DPPA2: variants seen among roughly 807,000 people sequenced by gnomAD.
The protein encoded by DPPA2 is developmental pluripotency associated 2.
A neutral mutation model predicts 36.2 loss-of-function variants in DPPA2; 26 were observed. The ratio of observed to expected loss-of-function variants is 0.72; its 90% CI spans 0.53 to 1.00. The LOEUF is 1.00. Among genes scored for constraint, DPPA2 ranks in the 50% least tolerant of loss-of-function variants. The pLI, the probability that DPPA2 is intolerant of heterozygous loss-of-function variation, is 0.00. For synonymous variants in DPPA2, 113 were observed against 123.2 expected, an observed-to-expected ratio of 0.92 and a Z score of 0.55; for missense variants, 361 against 365.1, an observed-to-expected ratio of 0.99 and a Z score of 0.09.
chr3:109,302,781 T>G (rs1490963448), intron 7 of DPPA2, among the ~76,000 whole-genome samples: 1 of 151,536 alleles, frequency 6.6e-6, no homozygotes, highest in Non-Finnish European at 1.5e-5. Flanking sequence ...AGCCCTTAAT[T>G]TATCTCCACA....
intron 7 of DPPA2, among the ~76,000 whole-genome samples, chr3:109,303,838 A>G (rs1707501109): frequency 6.6e-6 from 1 of 152,122 alleles, no homozygotes; most frequent in African/African-American, 2.4e-5. Context: ...GTTAAGGCTA[A>G]GAACTAGCCA....
chr3:109,304,166 G>A (rs538166894), intron 7 of DPPA2, among the ~76,000 whole-genome samples: 8 of 151,992 alleles, frequency 5.3e-5, no homozygotes, highest in Non-Finnish European at 7.4e-5. Flanking sequence ...GCTGAGACTC[G>A]GGAGGCTGAG....
chr3:109,311,643 G>C (rs1167055842), intron 3 of DPPA2, among the ~76,000 whole-genome samples: 1 of 151,910 alleles, frequency 6.6e-6, no homozygotes, highest in Non-Finnish European at 1.5e-5. Context: ...GGGAGGCTGA[G>C]GCAGGAGAAT....
intron 1 of DPPA2, among the ~76,000 whole-genome samples, chr3:109,315,105 G>A (rs1271116753): frequency 6.6e-6 from 1 of 152,184 alleles, no homozygotes; most frequent in African/African-American, 2.4e-5. Flanking sequence ...GGTGAAACTT[G>A]AAAGAAAACT....
intron 8 of DPPA2, among the ~76,000 whole-genome samples, chr3:109,298,943 G>A (rs925758834): frequency 6.6e-6 from 1 of 152,044 alleles, no homozygotes; most frequent in Admixed American, 6.6e-5. Context: ...CTACTTGGGA[G>A]GCTGAGGTGA....
chr3:109,300,504 T>A, intron 7 of DPPA2, 69 bp from the exon 8 acceptor site: 1 of 1,459,872 alleles, frequency 6.8e-7, no homozygotes, highest in Non-Finnish European at 9.6e-7. Flanking sequence ...TACCAATCCC[T>A]TTAAAATGAC....
chr3:109,315,092 AT>A (rs1707767971), intron 1 of DPPA2, among the ~76,000 whole-genome samples: 1 of 152,224 alleles, frequency 6.6e-6, no homozygotes. Context: ...AGAAAAAAAA[AT>A]AGGTGAAACT....
intron 8 of DPPA2, among the ~76,000 whole-genome samples, chr3:109,299,248 C>T (rs1320036713): frequency 1.3e-5 from 2 of 151,918 alleles, no homozygotes; most frequent in Non-Finnish European, 1.5e-5. Context: ...TGCGGTGGCT[C>T]CCGCCTGTAA....
intron 1 of DPPA2, among the ~76,000 whole-genome samples, chr3:109,315,311 G>A (rs1236491286): frequency 2.0e-5 from 3 of 152,158 alleles, no homozygotes; most frequent in Non-Finnish European, 4.4e-5. Flanking sequence ...GATTTAAATT[G>A]TGGGGGTTGG....
At chr3:109,294,387 T>A (rs1382820450) in intron 8 of DPPA2, among the ~76,000 whole-genome samples, 2 of 152,320 alleles carry the variant, frequency 1.3e-5, no homozygotes, top group Non-Finnish European at 2.9e-5. Context: ...TGGGATGGCT[T>A]CCATGTGATG....
chr3:109,313,640 G>A (rs574343481), intron 2 of DPPA2, among the ~76,000 whole-genome samples: 2 of 152,270 alleles, frequency 1.3e-5, no homozygotes, highest in African/African-American at 4.8e-5. Context: ...GAGTAACACA[G>A]GCTTGAGTAT....
At position 109,312,679 on chromosome 3, in the gene DPPA2, C is replaced by G; in HGVS notation, c.47G>C (p.Gly16Ala). The G allele has an allele frequency of 6.2e-7, 1 of 1,613,322 alleles. No homozygotes were observed. Among genetic ancestry groups the G allele is most frequent in the Non-Finnish European group, 8.5e-7 (1 of 1,179,504 alleles). Residue 16 changes from glycine (G) to alanine (A), a missense_variant, in exon 3 of 9, where the codon GGG becomes GCG. Physicochemically the swap from Gly to Ala is moderately conservative, Grantham distance 60. Transcript: ENST00000478945. The part of the protein sequence containing the change: ...LDSSKKNFLE[G>A]EVDDEESVIL... ...CACACTTTCCTCATCATCTACTTCC[C>G]CCTCCAAGAAATTCTGGAAAGAGAA...
At chr3:109,312,997 T>C (rs1428163236) in intron 2 of DPPA2, among the ~76,000 whole-genome samples, 2 of 152,158 alleles carry the variant, frequency 1.3e-5, no homozygotes, top group Non-Finnish European at 2.9e-5. Context: ...AAACACAAAA[T>C]ACTTTCATTA....
chr3:109,304,335 A>T (rs1707509625), intron 7 of DPPA2, 140 bp downstream of exon 7: 1 of 797,184 alleles, frequency 1.3e-6, no homozygotes, highest in African/African-American at 1.8e-5. Context: ...TTCTTCTTGC[A>T]TCCTATTTTT....
chr3:109,307,993 T>A (rs751689450), intron 6 of DPPA2, 39 bp downstream of exon 6: 15 of 1,596,560 alleles, frequency 9.4e-6, no homozygotes, highest in Non-Finnish European at 1.3e-5. Context: ...GTTAACCTTG[T>A]CCTCTGGAGT....
intron 3 of DPPA2, among the ~76,000 whole-genome samples, chr3:109,310,739 T>C (rs894306015): frequency 7.9e-5 from 12 of 151,666 alleles, no homozygotes; most frequent in Admixed American, 7.9e-4. Context: ...CGCCTGACCT[T>C]GTGATCTGCC....
At chr3:109,315,050 C>G (rs1707766853) in intron 1 of DPPA2, among the ~76,000 whole-genome samples, 1 of 151,904 alleles carries the variant, frequency 6.6e-6, no homozygotes, top group Non-Finnish European at 1.5e-5. Context: ...TCGCGAGACT[C>G]TGTCTCAACA....
chr3:109,302,920 G>A (rs2107307860), intron 7 of DPPA2, among the ~76,000 whole-genome samples: 1 of 152,180 alleles, frequency 6.6e-6, no homozygotes, highest in Admixed American at 6.6e-5. Flanking sequence ...AGAGCACATA[G>A]TTATCATTAT....
chr3:109,296,194 A>G (rs952842031), intron 8 of DPPA2, among the ~76,000 whole-genome samples: 3 of 152,216 alleles, frequency 2.0e-5, no homozygotes, highest in Admixed American at 6.6e-5. Flanking sequence ...GATAGGAAGT[A>G]GGATAAACAC....
Sources: gnomAD v4.1 joint callset for allele counts (sites outside exome capture counted in the v4.1 genomes callset) on GRCh38, gnomAD v4.1.1 for gene constraint, MANE v1.5 for transcripts, NCBI Gene and HGNC (gene_info 2026-07-23, HGNC 2026-07-21) for gene names.